PRR14L: variants seen among roughly 807,000 people sequenced by gnomAD.
PRR14L encodes proline rich 14 like.
A neutral mutation model predicts 155.0 loss-of-function variants in PRR14L; 80 were observed. The ratio of observed to expected loss-of-function variants is 0.52; its 90% CI spans 0.43 to 0.62. The LOEUF (loss-of-function observed/expected upper bound fraction) is 0.62. Ranked by LOEUF, PRR14L falls within the 20% of genes least tolerant of loss-of-function variation. The probability of loss-of-function intolerance (pLI) is 0.00; values close to 1 mark genes in which losing one functional copy is unlikely to be tolerated. For synonymous variants in PRR14L, 883 were observed against 916.0 expected (o/e 0.96, Z 0.65); for missense variants, 2,469 against 2,548.0 (o/e 0.97, Z 0.67).
chr22:31,710,239 G>A (rs2074613834), intron 4 of PRR14L, among the ~76,000 whole-genome samples: 1 of 152,058 alleles, frequency 6.6e-6, no homozygotes, highest in Non-Finnish European at 1.5e-5. Context: ...ACTGCGTCCC[G>A]CCTGAACCAG....
rs2074865144 is a variant in PRR14L at position 31,750,038 on chromosome 22, C to G, written c.-97G>C. ...CCGCGCTTGCCCAGCCAGCTCAGCC[C>G]CTGCAGCTGCAGCCCCGTCGTCGCC... On this transcript the variant is annotated 5_prime_UTR_variant, in exon 1 of 9. Coordinates refer to ENST00000327423, the MANE Select transcript of PRR14L (RefSeq NM_173566.3). 6.5e-6 allele frequency: 1 copy of G among 153,096 alleles called. No individual in the cohort carries two copies. The highest frequency in any genetic ancestry group is 1.5e-5 in the Non-Finnish European group (1 of 68,756). The allele number at this position is 153,096 out of a possible 1,614,324, so 9.5% of individuals were successfully genotyped here.
Position 31,712,053 on chromosome 22 carries a change from C to T in PRR14L, c.5756+30G>A, listed in dbSNP as rs1171280057. 4 of 1,558,258 alleles carry T rather than the reference C, an allele frequency of 2.6e-6. No homozygotes were observed. The Admixed American group carries it at 7.9e-5, about 31-fold the overall frequency. ...CCAGAGACAGGAAGCAAATATGGGA[C>T]ATTTGTAAAGAACAGGGGACAGATT... is the stretch of plus-strand genomic sequence containing the variant. On this transcript the variant is annotated intron_variant, in intron 4 of 8. Transcript: ENST00000327423.
Position 31,704,651 on chromosome 22 carries a change from T to C in PRR14L, c.5828+4A>G, listed in dbSNP as rs2074580290. The C allele has an allele frequency of 1.2e-6, 2 of 1,613,138 alleles. No homozygotes were observed. The highest frequency in any genetic ancestry group is 1.1e-5 in the South Asian group (1 of 91,054). ...CACACACACGCTGAGTCTCATGTGC[T>C]TACCTCGTCTGACTGCCGCTGGTGT... On this transcript the variant is annotated splice_donor_region_variant and intron_variant, in intron 5 of 8. Coordinates refer to ENST00000327423, the MANE Select transcript of PRR14L (RefSeq NM_173566.3).
chr22:31,712,563 G>A lies in PRR14L; in HGVS notation c.5276C>T (p.Pro1759Leu). ...GAAGAAAGAAAAGGTCCACTTGGGA[G>A]GTTGAGACGGGCACTGGAGGGCCTC... The part of the protein sequence containing the change: ...LGEALQCPSQ[P>L]PKWTFSFFLS... Residue 1759 changes from proline (P) to leucine (L), a missense_variant, in exon 4 of 9, where the codon CCT becomes CTT. By Grantham distance (98) the Pro-to-Leu change is moderately conservative. Transcript: ENST00000327423. 2 of 1,551,746 alleles carry A rather than the reference G, an allele frequency of 1.3e-6. No homozygotes were observed. Among genetic ancestry groups the A allele is most frequent in the African/African-American group, 1.4e-5 (1 of 73,180 alleles).
In PRR14L at chr22:31,741,851, G is replaced by A. The variant is rs568071686; in HGVS notation, c.-51-2940C>T. On this transcript the variant is annotated intron_variant, in intron 1 of 8. Transcript: ENST00000327423. ...CACGCTACTGCACTCCAGCCTGGGTGACAGAGTGAGACTCCGTCTCAAAAA... is the reference window on the plus strand; with the variant it reads ...CACGCTACTGCACTCCAGCCTGGGTAACAGAGTGAGACTCCGTCTCAAAAA... 6.6e-5 allele frequency among the ~76,000 whole-genome samples: 10 copies of A among 152,344 alleles called. No individual in the cohort carries two copies. In the East Asian group the frequency reaches 1.9e-3, roughly 29 times the overall value.
intron 7 of PRR14L, among the ~76,000 whole-genome samples, chr22:31,692,625 A>G (rs187090735): frequency 2.5e-4 from 38 of 152,252 alleles, no homozygotes; most frequent in South Asian, 4.2e-4. Context: ...TGGGTTATAC[A>G]TTATCTTGTT....
chr22:31,749,074 T>C (rs1163439945), intron 1 of PRR14L, among the ~76,000 whole-genome samples: 1 of 152,216 alleles, frequency 6.6e-6, no homozygotes, highest in Non-Finnish European at 1.5e-5. Flanking sequence ...GTAATAGTAA[T>C]AGCAACAGCT....
intron 4 of PRR14L, among the ~76,000 whole-genome samples, chr22:31,707,449 C>T (rs1019362234): frequency 6.6e-6 from 1 of 152,098 alleles, no homozygotes; most frequent in Non-Finnish European, 1.5e-5. Flanking sequence ...GGCGTGATCT[C>T]GGCTCACTGC....
chr22:31,741,594 G>C (rs2147877619), intron 1 of PRR14L, among the ~76,000 whole-genome samples: 1 of 152,280 alleles, frequency 6.6e-6, no homozygotes, highest in East Asian at 1.9e-4. Flanking sequence ...CTGTAAGGCT[G>C]GGTGCGGTGG....
intron 4 of PRR14L, among the ~76,000 whole-genome samples, chr22:31,710,940 A>G (rs1330833606): frequency 6.6e-6 from 1 of 152,240 alleles, no homozygotes; most frequent in Non-Finnish European, 1.5e-5. Flanking sequence ...TGTAAATGCC[A>G]ATTTTTGAAG....
At chr22:31,723,811 T>G (rs1418842657) in intron 3 of PRR14L, among the ~76,000 whole-genome samples, 1 of 152,172 alleles carries the variant, frequency 6.6e-6, no homozygotes, top group African/African-American at 2.4e-5. Flanking sequence ...AAGAGTCAAA[T>G]CTGATGTTTC....
intron 4 of PRR14L, among the ~76,000 whole-genome samples, chr22:31,710,149 C>A (rs1344469997): frequency 6.6e-6 from 1 of 151,840 alleles, no homozygotes; most frequent in Non-Finnish European, 1.5e-5. Flanking sequence ...GCCATGTTTC[C>A]CAGGCTGGTC....
Position 31,713,763 on chromosome 22 carries a change from A to T in PRR14L, c.4076T>A (p.Val1359Asp). Residue 1359 changes from valine to aspartate, a missense_variant, in exon 4 of 9, where the codon GTT becomes GAT. Val to Asp is a radical substitution (Grantham distance 152). Coordinates refer to ENST00000327423, the MANE Select transcript of PRR14L (RefSeq NM_173566.3). ...ATCGCCATCGCCAGTTTCTCTGGTA[A>T]CCAACTCCTCAGATTGCTCCCCAAC... ...LTVGEQSEEL[V>D]TRETGDGDPV... 1 of 1,552,374 alleles carries T rather than the reference A, an allele frequency of 6.4e-7. No homozygotes were observed.
chr22:31,687,658 TC>T (rs895220092), intron 8 of PRR14L, among the ~76,000 whole-genome samples: 4 of 151,820 alleles, frequency 2.6e-5, no homozygotes, highest in African/African-American at 9.7e-5. Flanking sequence ...GGCTACATTT[TC>T]TTTACGTAAC....
chr22:31,730,143 A>C (rs1046397125), intron 2 of PRR14L, among the ~76,000 whole-genome samples: 11 of 151,586 alleles, frequency 7.3e-5, no homozygotes, highest in Non-Finnish European at 1.6e-4. Context: ...CAGTCTAAAA[A>C]AAAAAAAAAA....
chr22:31,696,442 T>C (rs2074535468), intron 7 of PRR14L, among the ~76,000 whole-genome samples: 2 of 152,098 alleles, frequency 1.3e-5, no homozygotes, highest in Non-Finnish European at 2.9e-5. Context: ...CCTCGCCTTA[T>C]TATTAATTTT....
At chr22:31,733,037 G>C (rs1467120515) in intron 2 of PRR14L, among the ~76,000 whole-genome samples, 1 of 151,016 alleles carries the variant, frequency 6.6e-6, no homozygotes, top group African/African-American at 2.4e-5. Context: ...ACCCAGGCTG[G>C]AGTGACAATG....
chr22:31,730,137 C>A (rs1401379399), intron 2 of PRR14L, among the ~76,000 whole-genome samples: 2 of 129,354 alleles, frequency 1.5e-5, no homozygotes, highest in Non-Finnish European at 3.2e-5. Context: ...GAGACTCAGT[C>A]TAAAAAAAAA....
intron 3 of PRR14L, among the ~76,000 whole-genome samples, 184 bp downstream of exon 3, chr22:31,725,354 T>G (rs1005098569): frequency 1.3e-5 from 2 of 152,182 alleles, no homozygotes; most frequent in Admixed American, 6.6e-5. Flanking sequence ...TGCAGTGCAC[T>G]GTGCAAGTAC....
Sources: gnomAD v4.1 joint callset for allele counts (sites outside exome capture counted in the v4.1 genomes callset) on GRCh38, gnomAD v4.1.1 for gene constraint, MANE v1.5 for transcripts, NCBI Gene and HGNC (gene_info 2026-07-23, HGNC 2026-07-21) for gene names.